Variants in ARHGAP39 observed in about 807,000 individuals in gnomAD.
ARHGAP39 encodes the protein Rho GTPase activating protein 39.
Under a neutral mutation model 106.9 loss-of-function variants are expected in ARHGAP39, and 44 were observed. The observed-to-expected ratio is 0.41, with a 90% CI of 0.32 to 0.53. The LOEUF (loss-of-function observed/expected upper bound fraction) is 0.53. ARHGAP39 is among the 20% of genes least tolerant of loss of function. The pLI, the probability that ARHGAP39 is intolerant of heterozygous loss-of-function variation, is 0.21. For missense variants in ARHGAP39, 1,496 were observed against 1,577.3 expected (o/e 0.95, Z 0.87); for synonymous variants, 768 against 693.2 (o/e 1.11, Z -1.69).
upstream of ARHGAP39, among the ~76,000 whole-genome samples, chr8:144,688,257 C>T (rs899133856): frequency 3.3e-5 from 5 of 152,098 alleles, no homozygotes; most frequent in African/African-American, 1.2e-4. Context: ...GTGCCCACCA[C>T]AACTCCTGGC....
rs1332029900 is a variant in ARHGAP39, at chr8:144,548,722, C to T, written c.597-233G>A. 1.3e-5 allele frequency among the ~76,000 whole-genome samples: 2 copies of T among 152,214 alleles called. No homozygotes were observed. On this transcript the variant is annotated intron_variant, in intron 4 of 11. Coordinates refer to ENST00000377307, the MANE Select transcript of ARHGAP39 (RefSeq NM_025251.3). This position sits in a 1 kb window ranked among gnomAD's most constrained non-coding sequence, Gnocchi z 7.4. ...CGACCAGGTGTCTGTCTGCTCTGAT[C>T]CCAGCTCCTGACCGGGCACAGGGCT...
intron 2 of ARHGAP39, among the ~76,000 whole-genome samples, chr8:144,602,122 TGGA>T (rs1328807567): frequency 2.9e-5 from 4 of 140,228 alleles, no homozygotes; most frequent in South Asian, 4.9e-4. Flanking sequence ...TGCATGTGCA[TGGA>T]GGTGTGTGTG....
At position 144,569,987 on chromosome 8, in the gene ARHGAP39, G is replaced by A. The variant is rs1333706535; in HGVS notation, c.512+10859C>T. 3.3e-5 allele frequency among the ~76,000 whole-genome samples: 5 copies of A among 152,214 alleles called. No individual in the cohort carries two copies. In the East Asian group the frequency reaches 7.7e-4, roughly 23 times the overall value. On this transcript the variant is annotated intron_variant, in intron 3 of 11. Coordinates refer to ENST00000377307, the MANE Select transcript of ARHGAP39 (RefSeq NM_025251.3). Reference sequence around the variant, plus strand: ...TGTAATCCCAGCACTTTGGGAAGCTGGGGCGGGCAGATCACTTGAGGTCAA... The same window carrying A: ...TGTAATCCCAGCACTTTGGGAAGCTAGGGCGGGCAGATCACTTGAGGTCAA...
chr8:144,657,824 T>C (rs554619011), intron 1 of ARHGAP39, among the ~76,000 whole-genome samples: 1 of 152,184 alleles, frequency 6.6e-6, no homozygotes, highest in East Asian at 1.9e-4. Flanking sequence ...AAATTGAAAA[T>C]AGACAGAAAC....
intron 10 of ARHGAP39, 139 bp downstream of exon 10, chr8:144,532,166 G>C (rs1816750594): frequency 1.4e-6 from 1 of 734,396 alleles, no homozygotes; most frequent in Non-Finnish European, 2.3e-6. Flanking sequence ...GGGCAGAAGG[G>C]AGGATGTGCT....
chr8:144,552,815 T>C (rs1423304618), intron 4 of ARHGAP39, among the ~76,000 whole-genome samples: 1 of 152,134 alleles, frequency 6.6e-6, no homozygotes, highest in Non-Finnish European at 1.5e-5. Flanking sequence ...TTTTTTTCCC[T>C]GAGCGAACTG....
chr8:144,629,837 A>T (rs1368538803), intron 1 of ARHGAP39, among the ~76,000 whole-genome samples: 1 of 151,862 alleles, frequency 6.6e-6, no homozygotes, highest in African/African-American at 2.4e-5. Flanking sequence ...TGCAGAGAGG[A>T]CGGCCCTGTG....
intron 2 of ARHGAP39, among the ~76,000 whole-genome samples, chr8:144,594,129 G>C (rs1263469345): frequency 6.8e-6 from 1 of 146,472 alleles, no homozygotes; most frequent in Non-Finnish European, 1.5e-5. Context: ...CCAGTTTAAA[G>C]ATGGGCAAAA....
At chr8:144,693,079 T>A in the ARHGAP39 span, among the ~76,000 whole-genome samples, 19 of 86,754 alleles carry the variant, frequency 2.2e-4, no homozygotes, top group South Asian at 1.1e-3. Flanking sequence ...TTTTTTTTTT[T>A]ATTGAGACAG....
At position 144,614,214 on chromosome 8, in the gene ARHGAP39, T is replaced by TGTCA. The variant is rs1331256611; in HGVS notation, c.-81-8523_-81-8520dup. ...ACCTGTCTGCTAACCCTAACATCTA[T>TGTCA]GTCAGTTTTGATGGATTTTTCACTC... On this transcript the variant is annotated intron_variant, in intron 1 of 11. Transcript: ENST00000377307. Among the ~76,000 whole-genome samples, 8 of 152,354 alleles carry TGTCA rather than the reference T, an allele frequency of 5.3e-5. No homozygotes were observed. In the East Asian group the frequency reaches 1.2e-3, roughly 22 times the overall value.
intron 3 of ARHGAP39, among the ~76,000 whole-genome samples, chr8:144,580,635 C>A (rs1417783520): frequency 2.0e-5 from 3 of 150,702 alleles, no homozygotes; most frequent in Non-Finnish European, 3.0e-5. Context: ...CCCCGCCCAC[C>A]ACCGTCACCA....
chr8:144,602,766 CTGTGTGTATGTGCATGGAGGCGTG>C (rs1820085651), intron 2 of ARHGAP39, among the ~76,000 whole-genome samples: 7 of 116,692 alleles, frequency 6.0e-5, no homozygotes, highest in African/African-American at 1.0e-4. Context: ...GCTCGTGTAC[CTGTGTGTATGTGCATGGAGGCGTG>C]TGTGTGCATG....
chr8:144,631,035 C>A (rs1039138070), intron 1 of ARHGAP39, among the ~76,000 whole-genome samples: 2 of 152,236 alleles, frequency 1.3e-5, no homozygotes, highest in African/African-American at 4.8e-5. Context: ...GGCGGAAGGC[C>A]AGCAGGAGCA....
At chr8:144,694,555 A>G in the ARHGAP39 span, among the ~76,000 whole-genome samples, 3 of 152,212 alleles carry the variant, frequency 2.0e-5, no homozygotes, top group African/African-American at 7.2e-5. Flanking sequence ...CCCCCACTAC[A>G]TGAGTCAGCT....
chr8:144,620,749 G>A (rs1003261626), intron 1 of ARHGAP39, among the ~76,000 whole-genome samples: 1 of 152,230 alleles, frequency 6.6e-6, no homozygotes, highest in East Asian at 1.9e-4. Context: ...CCTGAGCACC[G>A]CCTGTGCCCA....
intron 1 of ARHGAP39, among the ~76,000 whole-genome samples, chr8:144,608,270 T>G (rs980060659): frequency 4.6e-5 from 7 of 152,122 alleles, no homozygotes; most frequent in Non-Finnish European, 1.0e-4. Flanking sequence ...TCAATCTTTT[T>G]GAAAAGTAAA....
chr8:144,585,510 G>C lies in ARHGAP39; in HGVS notation c.81-4233C>G, dbSNP rs1037354536. 6.6e-6 allele frequency among the ~76,000 whole-genome samples: 1 copy of C among 151,832 alleles called. No individual in the cohort carries two copies. Among genetic ancestry groups the C allele is most frequent in the Non-Finnish European group, 1.5e-5 (1 of 67,986 alleles). On this transcript the variant is annotated intron_variant, in intron 2 of 11. Coordinates refer to ENST00000377307, the MANE Select transcript of ARHGAP39 (RefSeq NM_025251.3). This position sits in a 1 kb window ranked among gnomAD's most constrained non-coding sequence, Gnocchi z 4.6. The stretch of plus-strand genomic sequence containing the variant: ...CCCCTCGTGCACTCTCTTGCCCTTA[G>C]CTCCAGGGCAACTCTCCCTGGAGAC...
At chr8:144,530,660 C>CGGGGGGGGGGG (rs766066175) in intron 11 of ARHGAP39, 42 bp downstream of exon 11, 2 of 231,806 alleles carry the variant, frequency 8.6e-6, no homozygotes, top group Non-Finnish European at 1.2e-5. Context: ...GGGGGCGGGG[C>CGGGGGGGGGGG]GGGGAGGGGA....
rs1276499166 is a variant in ARHGAP39 at position 144,685,781 on chromosome 8, C to T, written c.-177G>A. On this transcript the variant is annotated 5_prime_UTR_variant, in exon 1 of 12. Coordinates refer to ENST00000377307, the MANE Select transcript of ARHGAP39 (RefSeq NM_025251.3). Reference sequence around the variant, plus strand: ...GCCGCTCCCCGGCCTCTCTGCTGCTCCGCCGCTGCTGCCGCGGCAGCCCGT... The same window carrying T: ...GCCGCTCCCCGGCCTCTCTGCTGCTTCGCCGCTGCTGCCGCGGCAGCCCGT... 3.4e-5 allele frequency among the ~76,000 whole-genome samples: 5 copies of T among 147,972 alleles called. No homozygotes were observed. The highest frequency in any genetic ancestry group is 3.4e-4 in the Admixed American group (5 of 14,920).
Sources: gnomAD v4.1 joint callset for allele counts (sites outside exome capture counted in the v4.1 genomes callset) on GRCh38, gnomAD v4.1.1 for gene constraint, Gnocchi (gnomAD v3.1) non-coding constraint, MANE v1.5 for transcripts, NCBI Gene and HGNC (gene_info 2026-07-23, HGNC 2026-07-21) for gene names.